Variants in MID1 observed in about 807,000 individuals in gnomAD.
The protein encoded by MID1 is midline 1, also known as E3 ubiquitin-protein ligase Midline-1.
MID1 carries 7 observed loss-of-function variants against 40.4 expected under a neutral mutation model. The ratio of observed to expected loss-of-function variants is 0.17; its 90% CI spans 0.10 to 0.33. The LOEUF is 0.33. Among genes scored for constraint, MID1 ranks in the 10% least tolerant of loss-of-function variants. The pLI, the probability that MID1 is intolerant of heterozygous loss-of-function variation, is 1.00. For synonymous variants in MID1, 229 were observed against 221.2 expected, an observed-to-expected ratio of 1.04 and a Z score of -0.31; for missense variants, 367 against 558.5, an observed-to-expected ratio of 0.66 and a Z score of 3.46.
intron 1 of MID1, among the ~76,000 whole-genome samples, chrX:10,715,557 C>T (rs1235591478): frequency 8.9e-6 from 1 of 111,903 alleles, no homozygotes; most frequent in African/African-American, 3.2e-5. Flanking sequence ...GAAACTCGAA[C>T]TGGGTGGAGC....
intron 4 of MID1, among the ~76,000 whole-genome samples, chrX:10,488,062 A>G (rs1930720157): frequency 9.5e-6 from 1 of 105,719 alleles, no homozygotes; most frequent in Non-Finnish European, 1.9e-5. Context: ...GCTCACTGCA[A>G]CCTCTGCTTC....
At chrX:10,826,115 C>T (rs971544732) in intron 1 of MID1, among the ~76,000 whole-genome samples, 4 of 111,075 alleles carry the variant, frequency 3.6e-5, no homozygotes, top group Non-Finnish European at 7.5e-5. Flanking sequence ...TCAGGTTACT[C>T]CCTTCCACCA....
Position 10,796,427 on chromosome X carries a change from GT to G in MID1, c.-187+37126del, listed in dbSNP as rs1203656064. Among the ~76,000 whole-genome samples, 281 of 87,796 alleles carry G rather than the reference GT, an allele frequency of 3.2e-3. 2 individuals are homozygous for G. The highest frequency in any genetic ancestry group is 0.013 in the African/African-American group (257 of 19,661). 76.2% of individuals were successfully genotyped at this position (87,796 alleles called of 115,157 possible). ...AAGAAAATTCAGTTTTTTTTTTTCA[GT>G]TTTTTTTTTAATGATTTTTTTTTTG... On this transcript the variant is annotated intron_variant, in intron 1 of 10. Transcript: ENST00000380785.
chrX:10,686,744 C>A (rs941949743), intron 1 of MID1, among the ~76,000 whole-genome samples: 2 of 112,323 alleles, frequency 1.8e-5, no homozygotes, highest in Non-Finnish European at 3.8e-5. Flanking sequence ...AGCCAAACTG[C>A]AATCCAGGCC....
rs35741701 is a variant in MID1, at chrX:10,615,885, C to T, written c.-57+4405G>A. Reference sequence around the variant, plus strand: ...AGAATCTTCCCGATAAACTGCCTTACATGTAAACGGAGATTAGATTGCTGT... The same window carrying T: ...AGAATCTTCCCGATAAACTGCCTTATATGTAAACGGAGATTAGATTGCTGT... On this transcript the variant is annotated intron_variant, in intron 1 of 9. Transcript: ENST00000317552. 1.9e-4 allele frequency among the ~76,000 whole-genome samples: 21 copies of T among 112,688 alleles called. 1 individual carries two copies. Among genetic ancestry groups the T allele is most frequent in the Non-Finnish European group, 3.2e-4 (17 of 53,378 alleles).
chrX:10,501,415 C>T, intron 3 of MID1: 1 of 1,155,235 alleles, frequency 8.7e-7, no homozygotes, highest in Non-Finnish European at 1.1e-6. Flanking sequence ...ACCTTCTCTA[C>T]ATCTAGAGTC....
intron 1 of MID1, among the ~76,000 whole-genome samples, chrX:10,597,741 TG>T (rs1185947774): frequency 8.9e-6 from 1 of 112,159 alleles, no homozygotes; most frequent in African/African-American, 3.2e-5. Flanking sequence ...TTGTAAAAAG[TG>T]GCCTTCATAT....
At chrX:10,657,254 T>C (rs2042880967) in intron 1 of MID1, among the ~76,000 whole-genome samples, 1 of 111,178 alleles carries the variant, frequency 9.0e-6, no homozygotes, top group African/African-American at 3.3e-5. Flanking sequence ...AACCTATTCT[T>C]TATTGGTTTT....
chrX:10,458,795 G>A (rs1213617778), intron 8 of MID1, among the ~76,000 whole-genome samples: 2 of 111,405 alleles, frequency 1.8e-5, no homozygotes, highest in Admixed American at 9.5e-5. Context: ...GGTTAAATGA[G>A]GGTTCCCCTT....
At chrX:10,551,742 CTA>C (rs1385224210) in intron 2 of MID1, among the ~76,000 whole-genome samples, 1 of 111,546 alleles carries the variant, frequency 9.0e-6, no homozygotes, top group African/African-American at 3.3e-5. Context: ...AATTGAAACA[CTA>C]TTGGGGAGGG....
intron 2 of MID1, among the ~76,000 whole-genome samples, chrX:10,538,895 A>C (rs1224526100): frequency 8.9e-6 from 1 of 112,587 alleles, no homozygotes; most frequent in Non-Finnish European, 1.9e-5. Flanking sequence ...ATGAAGCCAA[A>C]TCTTAATTCC....
At chrX:10,465,852 T>G (rs1929356740) in intron 7 of MID1, among the ~76,000 whole-genome samples, 1 of 112,144 alleles carries the variant, frequency 8.9e-6, no homozygotes. Flanking sequence ...GCCAGAATCC[T>G]AACCCATGGA....
chrX:10,599,614 C>T (rs1935479189), intron 1 of MID1, among the ~76,000 whole-genome samples: 1 of 112,089 alleles, frequency 8.9e-6, no homozygotes, highest in Admixed American at 9.5e-5. Context: ...TTTTTCCAGG[C>T]CTCATGCTCC....
At chrX:10,659,617 G>A (rs2042897979) in intron 1 of MID1, among the ~76,000 whole-genome samples, 2 of 111,342 alleles carry the variant, frequency 1.8e-5, no homozygotes, top group Admixed American at 1.9e-4. Flanking sequence ...TGCTGTCTTA[G>A]GTGAAAGTTT....
intron 3 of MID1, among the ~76,000 whole-genome samples, chrX:10,499,955 T>C (rs1602310054): frequency 1.8e-5 from 2 of 112,525 alleles, no homozygotes; most frequent in East Asian, 2.8e-4. Context: ...AGCTGAATAA[T>C]ATCTGCTCTC....
intron 1 of MID1, among the ~76,000 whole-genome samples, chrX:10,581,269 C>CA (rs1406911505): frequency 9.1e-6 from 1 of 109,868 alleles, no homozygotes; most frequent in African/African-American, 3.4e-5. Flanking sequence ...AAAACAAAAA[C>CA]AAAAAACAAA....
At chrX:10,561,426 C>T (rs1338741515) in intron 2 of MID1, among the ~76,000 whole-genome samples, 2 of 106,685 alleles carry the variant, frequency 1.9e-5, no homozygotes, top group Non-Finnish European at 3.8e-5. Context: ...TCAGAGTGAA[C>T]AGACAACCTA....
At chrX:10,686,118 G>T (rs2043095825) in intron 1 of MID1, among the ~76,000 whole-genome samples, 1 of 111,548 alleles carries the variant, frequency 9.0e-6, no homozygotes, top group Admixed American at 9.5e-5. Flanking sequence ...GATCCTGTGG[G>T]TCTGGGGCAT....
chrX:10,586,405 T>A (rs1935143477), intron 1 of MID1, among the ~76,000 whole-genome samples: 1 of 111,574 alleles, frequency 9.0e-6, no homozygotes, highest in Non-Finnish European at 1.9e-5. Context: ...GCTGCTCCCA[T>A]CCACGTACAG....
Sources: allele counts gnomAD v4.1 joint callset (sites outside exome capture counted in the v4.1 genomes callset), GRCh38; gene constraint gnomAD v4.1.1; transcripts MANE v1.5; gene names NCBI Gene and HGNC (gene_info 2026-07-23, HGNC 2026-07-21).